The following LATS1 variants were observed in gnomAD, a reference collection of about 807,000 sequenced individuals.
The protein encoded by LATS1 is serine/threonine-protein kinase LATS1.
A neutral mutation model predicts 106.6 loss-of-function variants in LATS1; 25 were observed. That is an observed-to-expected ratio of 0.23 (90% CI 0.17 to 0.33). The LOEUF is 0.33. Ranked by LOEUF, LATS1 falls within the 10% of genes least tolerant of loss-of-function variation. The pLI is 1.00. For missense variants in LATS1, 1,040 were observed against 1,382.6 expected, an observed-to-expected ratio of 0.75 and a Z score of 3.93; for synonymous variants, 465 against 455.6, an observed-to-expected ratio of 1.02 and a Z score of -0.26.
intron 1 of LATS1, among the ~76,000 whole-genome samples, chr6:149,714,647 C>T (rs951734060): frequency 6.6e-6 from 1 of 151,928 alleles, no homozygotes; most frequent in Non-Finnish European, 1.5e-5. Context: ...AAATGAAAGG[C>T]AAGCAAAACC....
intron 7 of LATS1, among the ~76,000 whole-genome samples, chr6:149,668,496 T>C (rs140742174): frequency 6.5e-4 from 99 of 151,456 alleles, no homozygotes; most frequent in African/African-American, 2.4e-3. Flanking sequence ...GGCTACAGCA[T>C]AGTGGTATGA....
chr6:149,674,620 T>C (rs1377956899), intron 7 of LATS1, among the ~76,000 whole-genome samples: 2 of 147,796 alleles, frequency 1.4e-5, no homozygotes, highest in African/African-American at 4.9e-5. Flanking sequence ...GTGATCTGTC[T>C]GCCACGACCT....
chr6:149,711,918 G>A (rs1234540404), intron 1 of LATS1, among the ~76,000 whole-genome samples: 1 of 152,128 alleles, frequency 6.6e-6, no homozygotes, highest in East Asian at 1.9e-4. Context: ...ACTGCGGTGA[G>A]TGAGTAAGGG....
chr6:149,673,841 A>G (rs1170358133), intron 7 of LATS1, among the ~76,000 whole-genome samples: 1 of 151,432 alleles, frequency 6.6e-6, no homozygotes, highest in Non-Finnish European at 1.5e-5. Flanking sequence ...TGCACGGCTA[A>G]TTTTTGTATT....
chr6:149,691,391 T>G (rs533667304), intron 3 of LATS1, among the ~76,000 whole-genome samples: 35 of 152,156 alleles, frequency 2.3e-4, no homozygotes, highest in Non-Finnish European at 4.7e-4. Context: ...CTCAAATAAA[T>G]CTTCATTGTT....
Position 149,717,911 on chromosome 6 carries a change from C to A in LATS1, c.-203G>T. The A allele has an allele frequency of 2.7e-6, 1 of 368,658 alleles. No homozygotes were observed. Among genetic ancestry groups the A allele is most frequent in the Non-Finnish European group, 5.3e-6 (1 of 189,476 alleles). 22.8% of individuals were successfully genotyped at this position (368,658 alleles called of 1,614,324 possible). A position where few individuals can be genotyped will look rare whatever the true frequency, so the allele number is the denominator to read the frequency against. ...GGCCTGAGGGCGGACGCTGAGGCGG[C>A]CAGAGTCCGTCCCAGCAACCCCAAG... On this transcript the variant is annotated 5_prime_UTR_variant, in exon 1 of 8. Coordinates refer to ENST00000543571, the MANE Select transcript of LATS1 (RefSeq NM_004690.4).
At chr6:149,698,746 G>C (rs1783261132) in intron 2 of LATS1, among the ~76,000 whole-genome samples, 1 of 151,648 alleles carries the variant, frequency 6.6e-6, no homozygotes, top group African/African-American at 2.4e-5. Context: ...ATATTTTGTA[G>C]AGTCGGAGTT....
At chr6:149,711,638 C>G (rs1239817817) in intron 1 of LATS1, among the ~76,000 whole-genome samples, 1 of 152,086 alleles carries the variant, frequency 6.6e-6, no homozygotes, top group African/African-American at 2.4e-5. Flanking sequence ...CTTGGGTCCC[C>G]GACTTCTATG....
At chr6:149,704,792 G>A (rs979958709) in intron 1 of LATS1, among the ~76,000 whole-genome samples, 6 of 151,854 alleles carry the variant, frequency 4.0e-5, no homozygotes, top group African/African-American at 1.5e-4. Context: ...CCTAGCCTGA[G>A]TAAACTTTAT....
rs372482816 is a variant in LATS1 at position 149,676,636 on chromosome 6, C to T, written c.2695G>A (p.Ala899Thr). ...DRLKPLERRA[A>T]RQHQRCLAHS... ...GCTAGACATCGCTGGTGCTGGCGTG[C>T]AGCTCTCCGCTCTAATGGCTTCAGT... Residue 899 changes from alanine to threonine, a missense_variant, in exon 6 of 8, where the codon GCA (alanine) becomes ACA (threonine). Physicochemically the swap from Ala to Thr is moderately conservative, Grantham distance 58. This residue lies in a region of LATS1 where 63 missense variants were observed against 64.3 expected (regional missense o/e 0.98). Coordinates refer to ENST00000543571, the MANE Select transcript of LATS1 (RefSeq NM_004690.4). 22 of 1,614,094 alleles carry T rather than the reference C, an allele frequency of 1.4e-5. No individual in the cohort carries two copies. Among genetic ancestry groups the T allele is most frequent in the Middle Eastern group, 1.7e-4 (1 of 6,026 alleles).
Position 149,683,492 on chromosome 6 carries a change from GA to G in LATS1, c.1596del (p.Pro533LeufsTer8). On this transcript the variant is annotated frameshift_variant, in exon 4 of 8. Transcript: ENST00000543571. LOFTEE classifies it high-confidence loss of function. ...GTCACATTTGAAGCGGTTCCCTCAG[GA>G]AAAGGACTGGGTTGAACAGTTTGAA... ...QPIQTVQPSP[F>X]PEGTASNVTV... is the part of the protein sequence containing the mutation. The G allele has an allele frequency of 6.2e-7, 1 of 1,614,206 alleles. No homozygotes were observed. The highest frequency in any genetic ancestry group is 8.5e-7 in the Non-Finnish European group (1 of 1,180,040).
At chr6:149,698,964 A>G (rs1230400012) in intron 2 of LATS1, among the ~76,000 whole-genome samples, 1 of 152,104 alleles carries the variant, frequency 6.6e-6, no homozygotes, top group African/African-American at 2.4e-5. Context: ...TGCTCCAAGA[A>G]TGCATCAATC....
chr6:149,676,689 TC>T lies in LATS1; in HGVS notation c.2641del (p.Asp881IlefsTer11), dbSNP rs2114767249. 6.2e-7 allele frequency: 1 copy of T among 1,613,928 alleles called. No homozygotes were observed. The highest frequency in any genetic ancestry group is 8.5e-7 in the Non-Finnish European group (1 of 1,179,940). On this transcript the variant is annotated frameshift_variant, in exon 6 of 8. Transcript: ENST00000543571. LOFTEE classifies it high-confidence loss of function. ...DSMDFSNEWG[D>X]PSSCRCGDRL... Reference sequence around the variant, plus strand: ...GTCTCCACATCGACAGCTTGAGGGATCCCCCCATTCATTACTGAAATCCATG... The same window carrying T: ...GTCTCCACATCGACAGCTTGAGGGATCCCCCATTCATTACTGAAATCCATG...
At chr6:149,694,468 G>A (rs2055281936) in intron 3 of LATS1, among the ~76,000 whole-genome samples, 1 of 152,144 alleles carries the variant, frequency 6.6e-6, no homozygotes, top group African/African-American at 2.4e-5. Context: ...AGCCACTGCA[G>A]TCAGCAAATA....
intron 1 of LATS1, among the ~76,000 whole-genome samples, chr6:149,710,588 G>A (rs1160857839): frequency 1.3e-5 from 2 of 152,318 alleles, no homozygotes; most frequent in Middle Eastern, 3.4e-3. Context: ...AAAAACCTAT[G>A]CAGTCCTGCC....
chr6:149,696,717 CAAA>C, intron 2 of LATS1, among the ~76,000 whole-genome samples: 1 of 151,264 alleles, frequency 6.6e-6, no homozygotes, highest in Non-Finnish European at 1.5e-5. Context: ...AAATATAAGA[CAAA>C]AGAAGATACT....
chr6:149,709,683 T>C (rs1216977777), intron 1 of LATS1, among the ~76,000 whole-genome samples: 1 of 145,880 alleles, frequency 6.9e-6, no homozygotes, highest in African/African-American at 2.5e-5. Flanking sequence ...TTTTTTTTTT[T>C]TTTTTTTTTT....
chr6:149,662,362 G>T, intron 7 of LATS1, 124 bp from the exon 8 acceptor site: 2 of 886,090 alleles, frequency 2.3e-6, no homozygotes, highest in Non-Finnish European at 3.3e-6. Flanking sequence ...ATGATATTTT[G>T]CTGGAAAATA....
At chr6:149,682,933 ATATT>A in intron 4 of LATS1, 142 bp downstream of exon 4, 1 of 647,416 alleles carries the variant, frequency 1.5e-6, no homozygotes, top group Non-Finnish European at 2.5e-6. Flanking sequence ...AAGTACTTTA[ATATT>A]TATTCACTTT....
Sources: gnomAD v4.1 joint callset for allele counts (sites outside exome capture counted in the v4.1 genomes callset) on GRCh38, gnomAD v4.1.1 for gene constraint, gnomAD v4.1.1 regional missense constraint, MANE v1.5 for transcripts, NCBI Gene and HGNC (gene_info 2026-07-23, HGNC 2026-07-21) for gene names.